RHBG: variants seen among roughly 807,000 people sequenced by gnomAD.
RHBG encodes the protein Rh family B glycoprotein, also known as ammonium transporter Rh type B.
A neutral mutation model predicts 40.1 loss-of-function variants in RHBG; 39 were observed. That is an observed-to-expected ratio of 0.97 (90% CI 0.75 to 1.27). The LOEUF is 1.27. Ranked by LOEUF, RHBG falls within the 50% of genes most tolerant of loss-of-function variation. The pLI is 0.00. For synonymous variants in RHBG, 237 were observed against 252.5 expected (o/e 0.94, Z 0.58); for missense variants, 549 against 588.1 (o/e 0.93, Z 0.69).
chr1:156,369,407 C>G lies in RHBG; in HGVS notation c.158C>G (p.Ala53Gly). 6.2e-7 allele frequency: 1 copy of G among 1,613,544 alleles called. No homozygotes were observed. The highest frequency in any genetic ancestry group is 8.5e-7 in the Non-Finnish European group (1 of 1,179,744). The change falls in exon 1 of 10, where the codon GCG (alanine) becomes GGG (glycine). Residue 53 changes from alanine (A) to glycine (G), a missense_variant. Transcript: ENST00000537040. ...ALWHRSNHSN[A>G]DNEFYFRYPS... ...TGGCACCGGAGCAACCACAGTAACG[C>G]GGACAATGAATTTTACTTTCGCTAC...
chr1:156,382,652 C>T, intron 7 of RHBG, 96 bp from the exon 8 acceptor site: 1 of 1,475,888 alleles, frequency 6.8e-7, no homozygotes, highest in Non-Finnish European at 9.3e-7. Context: ...CTTCCTGTTC[C>T]CCAGTGTGAG....
chr1:156,377,198 C>T lies in RHBG; in HGVS notation c.188-103C>T, dbSNP rs1667264201. ...GTTTTATAGGCTCGGCTCAAGGCAG[C>T]CCTGGCTGGTGAGAGCCAGGGGCAC... On this transcript the variant is annotated intron_variant, in intron 1 of 9. Transcript: ENST00000537040. The surrounding 1 kb of genome is among the most constrained non-coding windows in gnomAD (Gnocchi z 4.6). 1 of 1,319,366 alleles carries T rather than the reference C, an allele frequency of 7.6e-7. No homozygotes were observed. The highest frequency in any genetic ancestry group is 1.3e-5 in the South Asian group (1 of 76,058). The allele number at this position is 1,319,366 out of a possible 1,614,324, so 81.7% of individuals were successfully genotyped here.
rs1257494393 is a variant in RHBG at position 156,384,795 on chromosome 1, G to A, written c.1327G>A (p.Asp443Asn). ...CTTCCAGGTGCCTGGCGAGCATGAG[G>A]ATAAAGCCCAGAGACCTCTGAGGGT... Reference protein sequence around the residue: ...VHWQVPGEHEDKAQRPLRVEE... With the variant: ...VHWQVPGEHENKAQRPLRVEE... Residue 443 changes from aspartate to asparagine, a missense_variant, in exon 10 of 10, where the codon GAT (aspartate) becomes AAT (asparagine). Physicochemically the swap from Asp to Asn is conservative, Grantham distance 23 (BLOSUM62 1). Around this residue, in one of 3 missense-constraint regions of RHBG, gnomAD observed 399 missense variants for 417.0 expected, o/e 0.96. Coordinates refer to ENST00000537040, the MANE Select transcript of RHBG (RefSeq NM_020407.5). 2 of 1,613,910 alleles carry A rather than the reference G, an allele frequency of 1.2e-6. No individual in the cohort carries two copies. The highest frequency in any genetic ancestry group is 1.7e-6 in the Non-Finnish European group (2 of 1,179,992).
intron 1 of RHBG, among the ~76,000 whole-genome samples, chr1:156,372,797 T>C (rs1279250064): frequency 6.6e-6 from 1 of 152,082 alleles, no homozygotes; most frequent in Non-Finnish European, 1.5e-5. Context: ...GACATGGAAT[T>C]AACTGATTCA....
chr1:156,369,977 A>AT (rs886116634), intron 1 of RHBG, among the ~76,000 whole-genome samples: 1 of 152,072 alleles, frequency 6.6e-6, no homozygotes, highest in Non-Finnish European at 1.5e-5. Context: ...GGGATCAGGC[A>AT]TTTCTTCCCT....
chr1:156,384,671 C>T (rs1263188865), intron 9 of RHBG, 71 bp downstream of exon 9: 2 of 1,538,582 alleles, frequency 1.3e-6, no homozygotes, highest in Admixed American at 1.8e-5. Context: ...GCCCAAGTTG[C>T]CTTCTTCCTT....
rs534576776 is a variant in RHBG at position 156,378,335 on chromosome 1, C to T, written c.609C>T (p.Pro203=). Reference sequence around the variant, plus strand: ...TCCTTTCGCGGGTTCTGTACAGGCCCCAGCTGGAGAAGAGCAAGCACCGCC... The same window carrying T: ...TCCTTTCGCGGGTTCTGTACAGGCCTCAGCTGGAGAAGAGCAAGCACCGCC... The part of the protein sequence containing the change: ...GLVLSRVLYR[P]QLEKSKHRQG... Residue 203 remains proline (P), a synonymous_variant, in exon 4 of 10, where the codon CCC becomes CCT. Coordinates refer to ENST00000537040, the MANE Select transcript of RHBG (RefSeq NM_020407.5). 1 of 1,613,806 alleles carries T rather than the reference C, an allele frequency of 6.2e-7. No individual in the cohort carries two copies. The highest frequency in any genetic ancestry group is 8.5e-7 in the Non-Finnish European group (1 of 1,179,876).
intron 1 of RHBG, among the ~76,000 whole-genome samples, chr1:156,376,290 G>A (rs1296201919): frequency 6.6e-6 from 1 of 152,058 alleles, no homozygotes; most frequent in East Asian, 1.9e-4. Context: ...GTGCAACACA[G>A]CAGCCTTGTC....
intron 4 of RHBG, 35 bp downstream of exon 4, chr1:156,378,434 G>C (rs575770340): frequency 2.6e-6 from 4 of 1,559,104 alleles, no homozygotes; most frequent in East Asian, 2.3e-5. Flanking sequence ...AGGGCAGGGG[G>C]CTGGTCTGGA....
At chr1:156,382,950 A>G (rs1362539805) in intron 8 of RHBG, 81 bp downstream of exon 8, 1 of 1,583,886 alleles carries the variant, frequency 6.3e-7, no homozygotes, top group East Asian at 2.2e-5. Context: ...ATAGATATTT[A>G]TGGAGCATCT....
intron 4 of RHBG, among the ~76,000 whole-genome samples, chr1:156,380,854 G>A (rs1667574156): frequency 6.6e-6 from 1 of 151,942 alleles, no homozygotes; most frequent in Non-Finnish European, 1.5e-5. Context: ...CATGGGCTAT[G>A]CATTTATGTG....
At chr1:156,378,428 CA>C (rs1250517485) in intron 4 of RHBG, 29 bp downstream of exon 4, 7 of 1,564,156 alleles carry the variant, frequency 4.5e-6, no homozygotes, top group Non-Finnish European at 6.1e-6. Context: ...GGTAGCAGGG[CA>C]GGGGGCTGGT....
intron 7 of RHBG, 113 bp downstream of exon 7, chr1:156,382,314 A>T: frequency 2.6e-6 from 4 of 1,529,842 alleles, no homozygotes; most frequent in Non-Finnish European, 2.7e-6. Flanking sequence ...ATTCATCCAT[A>T]TTCTGGGAGC....
At chr1:156,384,716 G>C (rs538849072) in intron 9 of RHBG, 61 bp from the exon 10 acceptor site, 1 of 1,584,440 alleles carries the variant, frequency 6.3e-7, no homozygotes, top group South Asian at 1.1e-5. Flanking sequence ...GTACACCCCT[G>C]AACTGTGGCT....
intron 1 of RHBG, among the ~76,000 whole-genome samples, chr1:156,374,152 C>T (rs545993142): frequency 1.8e-4 from 27 of 152,082 alleles, no homozygotes; most frequent in Admixed American, 5.2e-4. Context: ...TATAGGAGCG[C>T]GAACCCTATT....
intron 1 of RHBG, among the ~76,000 whole-genome samples, chr1:156,369,905 G>A (rs925083388): frequency 1.3e-5 from 2 of 152,128 alleles, no homozygotes; most frequent in Non-Finnish European, 2.9e-5. Flanking sequence ...GGGGTTGTGA[G>A]CGGTCATAAT....
Position 156,369,240 on chromosome 1 carries a change from A to C in RHBG, c.-10A>C, listed in dbSNP as rs1156498057. ...GCCTGCGAGCGCCAGCCGAGATCGC[A>C]GCCCAACCCATGGCCGGGTCTCCTA... is the stretch of plus-strand genomic sequence containing the variant. On this transcript the variant is annotated 5_prime_UTR_variant, in exon 1 of 10. Coordinates refer to ENST00000537040, the MANE Select transcript of RHBG (RefSeq NM_020407.5). 1.2e-6 allele frequency: 2 copies of C among 1,609,490 alleles called. No homozygotes were observed. Among genetic ancestry groups the C allele is most frequent in the African/African-American group, 1.3e-5 (1 of 74,692 alleles).
chr1:156,384,865 AGG>A lies in RHBG; in HGVS notation c.*21_*22del. On this transcript the variant is annotated 3_prime_UTR_variant, in exon 10 of 10. Transcript: ENST00000537040. ...GCCTAACCCACTGCCAGCCCCTGAG[AGG>A]ACACGCTCCTTTTCGAAGATGCTGA... The A allele has an allele frequency of 6.6e-7, 1 of 1,516,538 alleles. No individual in the cohort carries two copies. Among genetic ancestry groups the A allele is most frequent in the Non-Finnish European group, 9.1e-7 (1 of 1,096,156 alleles). The allele number at this position is 1,516,538 out of a possible 1,614,324, so 93.9% of individuals were successfully genotyped here.
At chr1:156,374,587 A>ATTTTTTT in intron 1 of RHBG, 2 of 380,772 alleles carry the variant, frequency 5.3e-6, no homozygotes, top group Non-Finnish European at 5.1e-6. Context: ...ACAGGATTCC[A>ATTTTTTT]TTTTTTTTTT....
Sources: allele counts gnomAD v4.1 joint callset (sites outside exome capture counted in the v4.1 genomes callset), GRCh38; gene constraint gnomAD v4.1.1; regional missense constraint gnomAD v4.1.1; non-coding constraint Gnocchi (gnomAD v3.1); transcripts MANE v1.5; gene names NCBI Gene and HGNC (gene_info 2026-07-23, HGNC 2026-07-21).